SREBF2: variants seen among roughly 807,000 people sequenced by gnomAD.
SREBF2 encodes sterol regulatory element binding transcription factor 2, also known as sterol regulatory element-binding protein 2.
A neutral mutation model predicts 113.1 loss-of-function variants in SREBF2; 55 were observed. The observed-to-expected ratio is 0.49, with a 90% CI of 0.39 to 0.61. The LOEUF is 0.61. Among genes scored for constraint, SREBF2 ranks in the 20% least tolerant of loss-of-function variants. The probability of loss-of-function intolerance (pLI) is 0.00; values close to 1 mark genes in which losing one functional copy is unlikely to be tolerated. For missense variants in SREBF2, 1,349 were observed against 1,487.4 expected (o/e 0.91, Z 1.53); for synonymous variants, 593 against 605.7 (o/e 0.98, Z 0.31).
intron 13 of SREBF2, among the ~76,000 whole-genome samples, chr22:41,895,728 G>A (rs190797324): frequency 2.7e-4 from 41 of 151,900 alleles, no homozygotes; most frequent in Admixed American, 5.2e-4. Context: ...GAGCCACCAC[G>A]CCTGGCAGGT....
intron 4 of SREBF2, 45 bp from the exon 5 acceptor site, chr22:41,873,753 G>T: frequency 1.3e-6 from 2 of 1,555,302 alleles, no homozygotes; most frequent in South Asian, 1.2e-5. Flanking sequence ...GCTTTATGCA[G>T]ACTAACAAAG....
At position 41,833,395 on chromosome 22, in the gene SREBF2, G is replaced by A. The variant is rs991854596; in HGVS notation, c.88+37G>A. Reference sequence around the variant, plus strand: ...GTGGGTGGGAGTGCGGGGGCCGCGCGGGGAGGAAGGGGTTACGGCGGCGCG... The same window carrying A: ...GTGGGTGGGAGTGCGGGGGCCGCGCAGGGAGGAAGGGGTTACGGCGGCGCG... On this transcript the variant is annotated intron_variant, in intron 1 of 18. Transcript: ENST00000361204. This position sits in a 1 kb window ranked among gnomAD's most constrained non-coding sequence, Gnocchi z 4.1. 7 of 1,503,128 alleles carry A rather than the reference G, an allele frequency of 4.7e-6. No individual in the cohort carries two copies. In the Admixed American group the frequency reaches 8.1e-5, roughly 17 times the overall value. 93.1% of individuals were successfully genotyped at this position (1,503,128 alleles called of 1,614,324 possible). A position where few individuals can be genotyped will look rare whatever the true frequency, so the allele number is the denominator to read the frequency against.
intron 16 of SREBF2, 63 bp from the exon 17 acceptor site, chr22:41,902,907 A>G: frequency 6.5e-7 from 1 of 1,536,452 alleles, no homozygotes; most frequent in Non-Finnish European, 8.9e-7. Flanking sequence ...GGTAGGTGCT[A>G]GGATCCTTGC....
At chr22:41,862,842 C>T (rs920658012) in intron 1 of SREBF2, among the ~76,000 whole-genome samples, 1 of 152,206 alleles carries the variant, frequency 6.6e-6, no homozygotes, top group Non-Finnish European at 1.5e-5. Flanking sequence ...TACCCGGCTG[C>T]CCGGCTGACT....
chr22:41,839,295 T>C (rs1454573689), intron 1 of SREBF2, among the ~76,000 whole-genome samples: 1 of 152,048 alleles, frequency 6.6e-6, no homozygotes, highest in Non-Finnish European at 1.5e-5. Flanking sequence ...GGAAATGAGA[T>C]GTAGATACTT....
intron 11 of SREBF2, chr22:41,886,308 G>C (rs1338017235): frequency 1.3e-5 from 2 of 152,120 alleles, no homozygotes; most frequent in African/African-American, 4.8e-5. Context: ...TGTGAGCTAG[G>C]GTGAGCTCCT....
At chr22:41,867,373 A>T in intron 2 of SREBF2, 93 bp downstream of exon 2, 2 of 1,359,646 alleles carry the variant, frequency 1.5e-6, no homozygotes, top group Non-Finnish European at 2.1e-6. Flanking sequence ...GTCTTCAGGA[A>T]TGGCAGGTAT....
At position 41,878,046 on chromosome 22, in the gene SREBF2, C is replaced by T; in HGVS notation, c.1684C>T (p.Pro562Ser). 2.5e-6 allele frequency: 4 copies of T among 1,614,132 alleles called. No individual in the cohort carries two copies. The highest frequency in any genetic ancestry group is 3.4e-6 in the Non-Finnish European group (4 of 1,180,030). Residue 562 changes from proline (P) to serine (S), a missense_variant, in exon 9 of 19, where the codon CCA (proline) becomes TCA (serine). By Grantham distance (74) the Pro-to-Ser change is moderately conservative. This residue lies in a region of SREBF2 where 699 missense variants were observed against 843.3 expected (regional missense o/e 0.83). Transcript: ENST00000361204. ...TGTGAAGCTGCTGGTTCATGGGGAGCCAGTGATCCGGCCACACTCGCGCTC... is the reference window on the plus strand; with the variant it reads ...TGTGAAGCTGCTGGTTCATGGGGAGTCAGTGATCCGGCCACACTCGCGCTC... ...VFVKLLVHGEPVIRPHSRSSV... is the reference protein window; with the variant it reads ...VFVKLLVHGESVIRPHSRSSV...
intron 11 of SREBF2, among the ~76,000 whole-genome samples, chr22:41,887,311 A>G (rs1447644533): frequency 6.6e-6 from 1 of 152,216 alleles, no homozygotes; most frequent in Non-Finnish European, 1.5e-5. Context: ...ACACACCCTT[A>G]TAGCCAGCAG....
intron 3 of SREBF2, among the ~76,000 whole-genome samples, chr22:41,869,230 G>A (rs897858390): frequency 2.6e-5 from 4 of 151,898 alleles, no homozygotes; most frequent in East Asian, 3.9e-4. Context: ...TCAGCCTCCC[G>A]AGTAGCTGGG....
chr22:41,905,954 A>C lies in SREBF2; in HGVS notation c.*294A>C, dbSNP rs373831358. ...CCCAAGCTGCCAAGCCCCTGCCTCC[A>C]GCCTTCCTGAGTTTCTCTCTCCTGA... On this transcript the variant is annotated 3_prime_UTR_variant, in exon 19 of 19. Transcript: ENST00000361204. 6 of 621,394 alleles carry C rather than the reference A, an allele frequency of 9.7e-6. No homozygotes were observed. In the East Asian group the frequency reaches 2.0e-4, roughly 21 times the overall value. The allele number at this position is 621,394 out of a possible 1,614,324, so 38.5% of individuals were successfully genotyped here.
At chr22:41,869,293 C>T (rs1435899306) in intron 3 of SREBF2, among the ~76,000 whole-genome samples, 2 of 112,386 alleles carry the variant, frequency 1.8e-5, no homozygotes, top group African/African-American at 7.5e-5. Context: ...TTAGTAGAGA[C>T]GGGATGTTGG....
chr22:41,855,176 G>T (rs867108765), intron 1 of SREBF2, among the ~76,000 whole-genome samples: 5 of 152,026 alleles, frequency 3.3e-5, no homozygotes, highest in Non-Finnish European at 7.4e-5. Flanking sequence ...GAGACTGCAA[G>T]AAACTGATAT....
chr22:41,903,853 G>A (rs762971022), intron 17 of SREBF2, among the ~76,000 whole-genome samples: 1 of 152,162 alleles, frequency 6.6e-6, no homozygotes, highest in Admixed American at 6.5e-5. Context: ...GAGGTGCTGC[G>A]GGGCCCACCC....
At chr22:41,861,352 C>T (rs146393795) in intron 1 of SREBF2, among the ~76,000 whole-genome samples, 40 of 152,076 alleles carry the variant, frequency 2.6e-4, no homozygotes, top group Admixed American at 5.2e-4. Flanking sequence ...CATGGTGGCA[C>T]GCACCTGTAA....
intron 1 of SREBF2, among the ~76,000 whole-genome samples, chr22:41,847,285 C>CTGAAATG (rs1192763401): frequency 6.6e-6 from 1 of 152,138 alleles, no homozygotes; most frequent in African/African-American, 2.4e-5. Flanking sequence ...AGTGGGTCAC[C>CTGAAATG]TGAAATGTGA....
Position 41,880,885 on chromosome 22 carries a change from G to A in SREBF2, c.1931G>A (p.Cys644Tyr), listed in dbSNP as rs371733217. ...VRWLLKKVFQ[C>Y]RRATPATEAG... Reference sequence around the variant, plus strand: ...TGGCTGCTCAAGAAAGTCTTCCAGTGCCGGCGGGCCACGCCAGCCACTGAG... The same window carrying A: ...TGGCTGCTCAAGAAAGTCTTCCAGTACCGGCGGGCCACGCCAGCCACTGAG... Residue 644 changes from cysteine (C) to tyrosine (Y), a missense_variant, in exon 10 of 19, where the codon TGC becomes TAC. This residue lies in a region of SREBF2 where 699 missense variants were observed against 843.3 expected (regional missense o/e 0.83). Transcript: ENST00000361204. The A allele has an allele frequency of 3.0e-5, 49 of 1,612,748 alleles. No homozygotes were observed. In the African/African-American group the frequency reaches 5.7e-4, roughly 19 times the overall value.
intron 7 of SREBF2, among the ~76,000 whole-genome samples, chr22:41,876,829 C>T (rs566817472): frequency 5.9e-5 from 9 of 152,250 alleles, no homozygotes; most frequent in East Asian, 1.9e-4. Context: ...TTTTGTACAC[C>T]TTTGCAGGTA....
intron 13 of SREBF2, 106 bp downstream of exon 13, chr22:41,895,043 GT>G: frequency 1.2e-6 from 1 of 852,748 alleles, no homozygotes; most frequent in Non-Finnish European, 2.0e-6. Context: ...CTGGCATCGG[GT>G]TGGCAGGGCA....
Sources: allele counts gnomAD v4.1 joint callset (sites outside exome capture counted in the v4.1 genomes callset), GRCh38; gene constraint gnomAD v4.1.1; regional missense constraint gnomAD v4.1.1; non-coding constraint Gnocchi (gnomAD v3.1); transcripts MANE v1.5; gene names NCBI Gene and HGNC (gene_info 2026-07-23, HGNC 2026-07-21).